The following CLUAP1 variants were observed in gnomAD, a reference collection of about 807,000 sequenced individuals.
CLUAP1 encodes clusterin-associated protein 1.
CLUAP1 carries 50 observed loss-of-function variants against 55.0 expected under a neutral mutation model. The ratio of observed to expected loss-of-function variants is 0.91; its 90% CI spans 0.72 to 1.15. The LOEUF is 1.15. Ranked by LOEUF, CLUAP1 falls within the 50% of genes most tolerant of loss-of-function variation. CLUAP1 has a pLI of 0.00. For synonymous variants in CLUAP1, 195 were observed against 175.4 expected (o/e 1.11, Z -0.88); for missense variants, 530 against 507.6 (o/e 1.04, Z -0.42).
rs549144245 is a variant in CLUAP1 at position 3,512,552 on chromosome 16, T to C, written c.495+74T>C. ...TTTCTTTTTCAATTCTGTTTCTCCC[T>C]TTTCAGTTCTGATTTAATGAAATAC... On this transcript the variant is annotated intron_variant, in intron 5 of 11. Transcript: ENST00000576634. 125 of 1,159,884 alleles carry C rather than the reference T, an allele frequency of 1.1e-4. 1 individual carries two copies. In the Middle Eastern group the frequency reaches 2.0e-3, roughly 18 times the overall value. 71.8% of individuals were successfully genotyped at this position (1,159,884 alleles called of 1,614,324 possible).
intron 7 of CLUAP1, among the ~76,000 whole-genome samples, chr16:3,521,998 G>A (rs1463111787): frequency 2.6e-5 from 4 of 152,008 alleles, no homozygotes; most frequent in African/African-American, 4.8e-5. Context: ...GTTCGATGCT[G>A]CAGTAAGCCA....
chr16:3,501,112 T>G lies in CLUAP1; in HGVS notation c.22+23T>G, dbSNP rs369728865. ...GCAGTAAGGCAGCCCCGCGCCCCTG[T>G]GACCTGCGGGTCTTCCAGAGATTCA... On this transcript the variant is annotated intron_variant, in intron 1 of 11. Coordinates refer to ENST00000576634, the MANE Select transcript of CLUAP1 (RefSeq NM_015041.3). 3.8e-6 allele frequency: 6 copies of G among 1,581,416 alleles called. No homozygotes were observed. In the African/African-American group the frequency reaches 8.1e-5, roughly 21 times the overall value.
chr16:3,512,427 C>G lies in CLUAP1; in HGVS notation c.444C>G (p.Thr148=). The change falls in exon 5 of 12, where the codon ACC becomes ACG. Residue 148 remains threonine, a synonymous_variant. Coordinates refer to ENST00000576634, the MANE Select transcript of CLUAP1 (RefSeq NM_015041.3). Reference sequence around the variant, plus strand: ...CCAGGCAGCTTGCGTCTGAAATCACCTCCAAAGGAGCATCTCTGTATGACT... The same window carrying G: ...CCAGGCAGCTTGCGTCTGAAATCACGTCCAAAGGAGCATCTCTGTATGACT... ...KAARQLASEI[T]SKGASLYDLL... The G allele has an allele frequency of 6.2e-7, 1 of 1,614,100 alleles. No individual in the cohort carries two copies. The highest frequency in any genetic ancestry group is 1.1e-5 in the South Asian group (1 of 91,078).
intron 5 of CLUAP1, among the ~76,000 whole-genome samples, chr16:3,512,932 G>T (rs2037659664): frequency 6.6e-6 from 1 of 152,124 alleles, no homozygotes; most frequent in Admixed American, 6.6e-5. Flanking sequence ...TGCCTGCCTT[G>T]GCCTCCCAAA....
intron 5 of CLUAP1, among the ~76,000 whole-genome samples, chr16:3,512,930 T>G (rs2037659558): frequency 6.6e-6 from 1 of 152,188 alleles, no homozygotes; most frequent in African/African-American, 2.4e-5. Flanking sequence ...TCTGCCTGCC[T>G]TGGCCTCCCA....
intron 10 of CLUAP1, among the ~76,000 whole-genome samples, chr16:3,532,379 C>T (rs186987183): frequency 6.8e-6 from 1 of 147,576 alleles, no homozygotes; most frequent in Admixed American, 6.7e-5. Context: ...TATCTACCAC[C>T]TGTTAATGTT....
intron 6 of CLUAP1, among the ~76,000 whole-genome samples, 153 bp downstream of exon 6, chr16:3,515,744 A>C (rs73503336): frequency 2.0e-3 from 302 of 152,342 alleles, no homozygotes; most frequent in African/African-American, 6.9e-3. Context: ...GAGCTTACCT[A>C]GGTCACTTAC....
upstream of CLUAP1, among the ~76,000 whole-genome samples, chr16:3,497,426 A>G (rs1596377536): frequency 6.6e-6 from 1 of 152,304 alleles, no homozygotes; most frequent in Non-Finnish European, 1.5e-5. Context: ...ACTTAAATAA[A>G]TTGGAAAGCA....
At chr16:3,522,988 G>A (rs117472079) in intron 7 of CLUAP1, among the ~76,000 whole-genome samples, 170 bp from the exon 8 acceptor site, 2 of 152,058 alleles carry the variant, frequency 1.3e-5, no homozygotes, top group Non-Finnish European at 2.9e-5. Flanking sequence ...GTTCATTTTG[G>A]GGGGAGAAAG....
chr16:3,521,638 T>G (rs1302002860), intron 7 of CLUAP1, among the ~76,000 whole-genome samples: 2 of 152,106 alleles, frequency 1.3e-5, no homozygotes, highest in African/African-American at 4.8e-5. Flanking sequence ...TTTCACCATG[T>G]TGGCCAGGCT....
upstream of CLUAP1, among the ~76,000 whole-genome samples, chr16:3,498,302 C>T (rs2151035136): frequency 6.6e-6 from 1 of 151,726 alleles, no homozygotes; most frequent in South Asian, 2.1e-4. Context: ...TTTTTTTTTA[C>T]TCAGTCTAGC....
chr16:3,524,959 T>C (rs1227437552), intron 8 of CLUAP1, among the ~76,000 whole-genome samples: 1 of 152,244 alleles, frequency 6.6e-6, no homozygotes, highest in Non-Finnish European at 1.5e-5. Context: ...CCCTTTCTCA[T>C]GCCCTTGACA....
At chr16:3,527,086 C>T (rs2037959157) in intron 9 of CLUAP1, among the ~76,000 whole-genome samples, 2 of 152,142 alleles carry the variant, frequency 1.3e-5, no homozygotes, top group South Asian at 2.1e-4. Context: ...TCTCTGTGAC[C>T]AGGCAGCTTC....
chr16:3,527,390 G>C (rs934650074), intron 9 of CLUAP1, among the ~76,000 whole-genome samples: 9 of 152,106 alleles, frequency 5.9e-5, no homozygotes, highest in Admixed American at 5.9e-4. Context: ...CAAACCTTCT[G>C]TTATGCCCAG....
chr16:3,495,554 G>A, the CLUAP1 span: 2 of 1,496,136 alleles, frequency 1.3e-6, no homozygotes, highest in Non-Finnish European at 1.8e-6. Flanking sequence ...AAGACTCCCA[G>A]CCTTCCTGGA....
chr16:3,515,256 T>G, intron 5 of CLUAP1: 1 of 315,066 alleles, frequency 3.2e-6, no homozygotes, highest in Middle Eastern at 8.6e-4. Context: ...CTAAGTTCAG[T>G]TTTGCTCATA....
intron 1 of CLUAP1, among the ~76,000 whole-genome samples, chr16:3,502,952 G>A (rs947135748): frequency 6.6e-6 from 1 of 152,168 alleles, no homozygotes; most frequent in African/African-American, 2.4e-5. Flanking sequence ...TTTAGGCAGT[G>A]CCTTACTGTG....
chr16:3,515,207 A>G (rs2037707059), intron 5 of CLUAP1, among the ~76,000 whole-genome samples: 1 of 151,974 alleles, frequency 6.6e-6, no homozygotes, highest in Non-Finnish European at 1.5e-5. Flanking sequence ...AAAAAAAAAA[A>G]AGAAGCAGCA....
At chr16:3,517,380 C>T (rs1256929301) in intron 6 of CLUAP1, among the ~76,000 whole-genome samples, 1 of 152,144 alleles carries the variant, frequency 6.6e-6, no homozygotes, top group East Asian at 1.9e-4. Flanking sequence ...CATCTCAGCT[C>T]ACTGCAATCT....
Sources: allele counts gnomAD v4.1 joint callset (sites outside exome capture counted in the v4.1 genomes callset), GRCh38; gene constraint gnomAD v4.1.1; transcripts MANE v1.5; gene names NCBI Gene and HGNC (gene_info 2026-07-23, HGNC 2026-07-21).